Variants in PRKDC observed in about 807,000 individuals in gnomAD.
The protein encoded by PRKDC is DNA-dependent protein kinase catalytic subunit.
A neutral mutation model predicts 486.9 loss-of-function variants in PRKDC; 82 were observed. The observed-to-expected ratio is 0.17, with a 90% CI of 0.14 to 0.20. The LOEUF is 0.20. Ranked by LOEUF, PRKDC falls within the 10% of genes least tolerant of loss-of-function variation. The pLI, the probability that PRKDC is intolerant of heterozygous loss-of-function variation, is 1.00. For synonymous variants in PRKDC, 1,895 were observed against 1,837.0 expected, an observed-to-expected ratio of 1.03 and a Z score of -0.81; for missense variants, 4,504 against 5,038.2, an observed-to-expected ratio of 0.89 and a Z score of 3.21.
rs8178044 is a variant in PRKDC, at chr8:47,929,480, C to T, written c.2053-302G>A. Among the ~76,000 whole-genome samples the T allele has an allele frequency of 2.6e-5, 4 of 152,338 alleles. No homozygotes were observed. The East Asian group carries it at 7.7e-4, about 29-fold the overall frequency. On this transcript the variant is annotated intron_variant, in intron 18 of 85. Coordinates refer to ENST00000314191, the MANE Select transcript of PRKDC (RefSeq NM_006904.7). ...GTGACTGACTGGAGCGTCGAGAATGCTAATCCAGTTGTTCTCAAACTTCAC... is the reference window on the plus strand; with the variant it reads ...GTGACTGACTGGAGCGTCGAGAATGTTAATCCAGTTGTTCTCAAACTTCAC...
intron 33 of PRKDC, 85 bp downstream of exon 33, chr8:47,888,924 AGGAAG>A: frequency 7.5e-7 from 1 of 1,337,006 alleles, no homozygotes; most frequent in Non-Finnish European, 1.0e-6. Flanking sequence ...GCCTTCCCTG[AGGAAG>A]CAGGAGCAGC....
At chr8:47,938,135 G>A (rs113900718) in intron 11 of PRKDC, among the ~76,000 whole-genome samples, 3,811 of 151,958 alleles carry the variant, frequency 0.025, 66 homozygotes, top group Non-Finnish European at 0.038. Context: ...GGCCAGGAGC[G>A]GTGGCTCATG....
intron 7 of PRKDC, among the ~76,000 whole-genome samples, chr8:47,949,183 G>A (rs1409551994): frequency 6.6e-6 from 1 of 152,150 alleles, no homozygotes; most frequent in Non-Finnish European, 1.5e-5. Flanking sequence ...TAAGGACCCT[G>A]TGATCACACC....
intron 7 of PRKDC, among the ~76,000 whole-genome samples, chr8:47,944,364 T>C (rs189205173): frequency 6.6e-6 from 1 of 152,028 alleles, no homozygotes; most frequent in East Asian, 1.9e-4. Context: ...ATAGGGACCG[T>C]ATATACCTTT....
chr8:47,906,203 T>G (rs1225787705), intron 25 of PRKDC, among the ~76,000 whole-genome samples: 3 of 152,086 alleles, frequency 2.0e-5, no homozygotes, highest in Admixed American at 2.0e-4. Flanking sequence ...TTTAACTAGC[T>G]AGGCACGGTG....
intron 73 of PRKDC, among the ~76,000 whole-genome samples, chr8:47,794,836 A>G (rs1351371501): frequency 2.0e-5 from 3 of 152,284 alleles, no homozygotes; most frequent in African/African-American, 7.2e-5. Flanking sequence ...TGAATATTTC[A>G]ATTTTTTATC....
intron 21 of PRKDC, among the ~76,000 whole-genome samples, chr8:47,919,504 T>G (rs2090039757): frequency 6.6e-6 from 1 of 152,202 alleles, no homozygotes; most frequent in Non-Finnish European, 1.5e-5. Flanking sequence ...AGTTCTGAGA[T>G]GTCCAGTGCA....
At chr8:47,817,686 A>C (rs1258658683) in intron 67 of PRKDC, 125 bp from the exon 68 acceptor site, 1 of 590,602 alleles carries the variant, frequency 1.7e-6, no homozygotes, top group African/African-American at 1.8e-5. Context: ...CCTTTCTTTT[A>C]CAAAAGGAAC....
intron 76 of PRKDC, among the ~76,000 whole-genome samples, chr8:47,786,792 C>T (rs570367306): frequency 1.7e-5 from 2 of 116,408 alleles, no homozygotes; most frequent in African/African-American, 3.4e-5. Flanking sequence ...TGCGGTGGTG[C>T]GATCTCGGCT....
chr8:47,864,895 T>C lies in PRKDC; in HGVS notation c.5364-132A>G, dbSNP rs1248651225. On this transcript the variant is annotated intron_variant, in intron 40 of 85. Coordinates refer to ENST00000314191, the MANE Select transcript of PRKDC (RefSeq NM_006904.7). ...AAAATAACTTTAAGGACTATATATA[T>C]GCAAAATCCACAAAACACAAAAAGC... The C allele has an allele frequency of 2.0e-5, 15 of 751,842 alleles. No individual in the cohort carries two copies. The Admixed American group carries it at 3.8e-4, about 19-fold the overall frequency. 46.6% of individuals were successfully genotyped at this position (751,842 alleles called of 1,614,324 possible). A position where few individuals can be genotyped will look rare whatever the true frequency, so the allele number is the denominator to read the frequency against.
chr8:47,818,578 CAA>C (rs1174698261), intron 67 of PRKDC, among the ~76,000 whole-genome samples: 37 of 36,120 alleles, frequency 1.0e-3, no homozygotes, highest in African/African-American at 1.9e-3. Context: ...GACTCCGTCT[CAA>C]AAAAAAAAAA....
At chr8:47,778,902 T>C in intron 81 of PRKDC, 102 bp downstream of exon 81, 1 of 1,447,224 alleles carries the variant, frequency 6.9e-7, no homozygotes, top group Non-Finnish European at 9.4e-7. Flanking sequence ...TATCGAATAA[T>C]CTTGATGATC....
At chr8:47,863,764 T>C (rs1015455612) in intron 41 of PRKDC, among the ~76,000 whole-genome samples, 187 bp from the exon 42 acceptor site, 1 of 152,222 alleles carries the variant, frequency 6.6e-6, no homozygotes, top group African/African-American at 2.4e-5. Context: ...AGCATTGATA[T>C]GTTACACTGG....
chr8:47,779,544 G>A (rs1039267768), intron 80 of PRKDC, among the ~76,000 whole-genome samples: 2 of 152,226 alleles, frequency 1.3e-5, no homozygotes, highest in African/African-American at 4.8e-5. Context: ...TTTTGCTAAA[G>A]ATGGATTATG....
intron 29 of PRKDC, among the ~76,000 whole-genome samples, chr8:47,897,681 G>T (rs2089606324): frequency 6.6e-6 from 1 of 152,144 alleles, no homozygotes; most frequent in Non-Finnish European, 1.5e-5. Context: ...TACCCCAGGG[G>T]TACACAGAAA....
chr8:47,845,328 A>T (rs1356924040), intron 54 of PRKDC, among the ~76,000 whole-genome samples: 2 of 152,372 alleles, frequency 1.3e-5, no homozygotes, highest in African/African-American at 4.8e-5. Context: ...AATCTACACA[A>T]AGATTCAACA....
chr8:47,890,046 G>A (rs965881164), intron 32 of PRKDC, among the ~76,000 whole-genome samples: 10 of 151,900 alleles, frequency 6.6e-5, no homozygotes, highest in African/African-American at 2.4e-4. Flanking sequence ...TTCTGACAAT[G>A]CAAAGTTTTA....
intron 26 of PRKDC, 30 bp downstream of exon 26, chr8:47,904,839 G>C (rs760304630): frequency 7.1e-7 from 1 of 1,415,442 alleles, no homozygotes; most frequent in African/African-American, 1.4e-5. Context: ...ATCGATGGGA[G>C]TAAGAGGAAA....
intron 73 of PRKDC, among the ~76,000 whole-genome samples, chr8:47,797,517 A>G (rs955522943): frequency 1.3e-5 from 2 of 152,220 alleles, no homozygotes. Context: ...ATGCAAAGCT[A>G]ATAGAGAACG....
Sources: allele counts gnomAD v4.1 joint callset (sites outside exome capture counted in the v4.1 genomes callset), GRCh38; gene constraint gnomAD v4.1.1; transcripts MANE v1.5; gene names NCBI Gene and HGNC (gene_info 2026-07-23, HGNC 2026-07-21).